Variants in GLA observed in about 807,000 individuals in gnomAD.
GLA encodes the protein galactosidase alpha.
In GLA, 4 loss-of-function variants were observed where a neutral mutation model predicts 28.2. The observed-to-expected ratio is 0.14, with a 90% confidence interval of 0.07 to 0.32. The LOEUF is 0.32. GLA is among the 10% of genes least tolerant of loss of function. The pLI is 1.00. For synonymous variants in GLA, 94 were observed against 113.0 expected (o/e 0.83, Z 1.07); for missense variants, 203 against 323.7 (o/e 0.63, Z 2.86).
chrX:101,402,276 A>G (rs1555985947), intron 2 of GLA, among the ~76,000 whole-genome samples: 1 of 111,784 alleles, frequency 8.9e-6, no homozygotes, highest in East Asian at 2.8e-4. Flanking sequence ...ATATCTGATC[A>G]ATTTCCCTCA....
chrX:101,402,977 A>T (rs1273031603), intron 2 of GLA, among the ~76,000 whole-genome samples: 2 of 110,351 alleles, frequency 1.8e-5, no homozygotes, highest in Non-Finnish European at 3.8e-5. Flanking sequence ...CAAAAGGAGA[A>T]CTCCAAGATG....
intron 2 of GLA, among the ~76,000 whole-genome samples, chrX:101,403,125 C>T (rs1928373421): frequency 9.2e-6 from 1 of 108,576 alleles, no homozygotes; most frequent in Non-Finnish European, 1.9e-5. Context: ...TGGTGAAACC[C>T]CGTCTCTACT....
In GLA at chrX:101,398,577, A is replaced by C. The variant is rs1928176118; in HGVS notation, c.802-10T>G. On this transcript the variant is annotated splice_polypyrimidine_tract_variant and intron_variant, in intron 5 of 6. Transcript: ENST00000218516. Reference sequence around the variant, plus strand: ...AGTTGCCAATCACTAACTGAGAAAAAGAATGAAATAATTCAAACAAGAGAG... The same window carrying C: ...AGTTGCCAATCACTAACTGAGAAAACGAATGAAATAATTCAAACAAGAGAG... The C allele has an allele frequency of 1.1e-5, 13 of 1,187,866 alleles. No homozygotes were observed. The highest frequency in any genetic ancestry group is 1.4e-5 in the Non-Finnish European group (12 of 873,905).
intron 2 of GLA, among the ~76,000 whole-genome samples, chrX:101,402,914 C>T (rs1221404317): frequency 8.9e-6 from 1 of 111,897 alleles, no homozygotes; most frequent in Non-Finnish European, 1.9e-5. Context: ...TACATGCACA[C>T]ATATGTCAAG....
intron 1 of GLA, among the ~76,000 whole-genome samples, chrX:101,405,410 C>T (rs1403269346): frequency 1.8e-5 from 2 of 111,056 alleles, no homozygotes; most frequent in Non-Finnish European, 3.8e-5. Context: ...GATAGAAGAA[C>T]AAAGTTCAGA....
chrX:101,400,304 G>A (rs1266570161), intron 4 of GLA, among the ~76,000 whole-genome samples: 2 of 111,383 alleles, frequency 1.8e-5, no homozygotes, highest in East Asian at 2.8e-4. Context: ...GAAGCAGAGA[G>A]ATCAGGTGGT....
rs2071228 is a variant in GLA, at chrX:101,398,121, G to A, written c.1000-22C>T. The stretch of plus-strand genomic sequence containing the variant: ...CTCCCTGAAAAACCAAGAAAGTGTG[G>A]TTGCTTAGCAACTAGTGATAAGTGG... On this transcript the variant is annotated intron_variant, in intron 6 of 6. Coordinates refer to ENST00000218516, the MANE Select transcript of GLA (RefSeq NM_000169.3). The A allele has an allele frequency of 0.2, 240,790 of 1,194,299 alleles. 24,964 individuals are homozygous for A. Among genetic ancestry groups the A allele is most frequent in the African/African-American group, 0.75 (42,825 of 56,732 alleles).
chrX:101,397,904 A>G lies in GLA; in HGVS notation c.1195T>C (p.Trp399Arg). The part of the protein sequence containing the change: ...PVKRKLGFYE[W>R]TSRLRSHINP... The stretch of plus-strand genomic sequence containing the variant: ...ATGTGACTTCTTAACCTTGAAGTCC[A>G]TTCATAGAACCCTAGCTTCCTTTTC... The change falls in exon 7 of 7, where the codon TGG becomes CGG. Residue 399 changes from tryptophan (W) to arginine (R), a missense_variant. By Grantham distance (101) the Trp-to-Arg change is moderately radical. This residue lies in a region of GLA where 162 missense variants were observed against 246.8 expected (regional missense o/e 0.66). Transcript: ENST00000218516. 8.3e-7 allele frequency: 1 copy of G among 1,208,640 alleles called. No homozygotes were observed.
chrX:101,402,857 C>A (rs1928365048), intron 2 of GLA, among the ~76,000 whole-genome samples: 1 of 112,013 alleles, frequency 8.9e-6, no homozygotes, highest in Non-Finnish European at 1.9e-5. Flanking sequence ...TTCTAAAATT[C>A]TAGTTTATAG....
intron 4 of GLA, 117 bp from the exon 5 acceptor site, chrX:101,399,063 T>A (rs1928205027): frequency 3.2e-6 from 2 of 627,050 alleles, no homozygotes; most frequent in Admixed American, 4.7e-5. Context: ...AACGTCTCCA[T>A]AAGGAGGTCT....
Position 101,398,871 on chromosome X carries a change from T to C in GLA, c.715A>G (p.Ile239Val). 2 of 1,208,448 alleles carry C rather than the reference T, an allele frequency of 1.7e-6. No individual in the cohort carries two copies. The highest frequency in any genetic ancestry group is 3.5e-5 in the South Asian group (2 of 56,943). The change falls in exon 5 of 7, where the codon ATA (isoleucine) becomes GTA (valine). Residue 239 changes from isoleucine (I) to valine (V), a missense_variant. Physicochemically the swap from Ile to Val is conservative, Grantham distance 29. Coordinates refer to ENST00000218516, the MANE Select transcript of GLA (RefSeq NM_000169.3). Reference sequence around the variant, plus strand: ...GATGTCCAGTCCAAGATACTCTTTATACTTTTCCAGGAATCATCAATGTCA... The same window carrying C: ...GATGTCCAGTCCAAGATACTCTTTACACTTTTCCAGGAATCATCAATGTCA... ...FADIDDSWKS[I>V]KSILDWTSFN...
chrX:101,401,584 C>A (rs782079025), intron 3 of GLA, 48 bp downstream of exon 3: 4 of 1,071,380 alleles, frequency 3.7e-6, no homozygotes, highest in Non-Finnish European at 5.2e-6. Context: ...GCTACCATGG[C>A]CTCAAAGTTC....
Position 101,398,804 on chromosome X carries a change from C to G in GLA, c.782G>C (p.Gly261Ala). The change falls in exon 5 of 7, where the codon GGT becomes GCT. Residue 261 changes from glycine (G) to alanine (A), a missense_variant. Around this residue, in one of 3 missense-constraint regions of GLA, gnomAD observed 162 missense variants for 246.8 expected, o/e 0.66. Coordinates refer to ENST00000218516, the MANE Select transcript of GLA (RefSeq NM_000169.3). The stretch of plus-strand genomic sequence containing the variant: ...TTTTACCATATCTGGGTCATTCCAA[C>G]CCCCTGGTCCAGCAACATCAACAAT... ...ERIVDVAGPG[G>A]WNDPDMLVIG... 8.3e-7 allele frequency: 1 copy of G among 1,210,564 alleles called. No homozygotes were observed. Among genetic ancestry groups the G allele is most frequent in the Middle Eastern group, 2.3e-4 (1 of 4,348 alleles).
chrX:101,404,243 T>G (rs892459485), intron 1 of GLA, among the ~76,000 whole-genome samples: 11 of 112,026 alleles, frequency 9.8e-5, no homozygotes, highest in Non-Finnish European at 5.6e-5. Context: ...GAGTATTAGA[T>G]CTAAGAAGAC....
In GLA at chrX:101,398,356, A is replaced by ATTT; in HGVS notation, c.999+13_999+14insAAA. ...GGTATATAAAGCCATCTTAAAATAT[A>ATTT]TACTCTTATTTACCTGTCTAAGCTG... On this transcript the variant is annotated intron_variant, in intron 6 of 6. Transcript: ENST00000218516. 4.3e-6 allele frequency: 5 copies of ATTT among 1,158,938 alleles called. No individual in the cohort carries two copies. The highest frequency in any genetic ancestry group is 5.9e-6 in the Non-Finnish European group (5 of 847,546).
intron 4 of GLA, among the ~76,000 whole-genome samples, chrX:101,399,339 G>A (rs1928212803): frequency 8.9e-6 from 1 of 112,608 alleles, no homozygotes; most frequent in Non-Finnish European, 1.9e-5. Flanking sequence ...GGCCGAGGCA[G>A]GTGGATCATC....
In GLA at chrX:101,398,927, C is replaced by T. The variant is rs869312378; in HGVS notation, c.659G>A (p.Arg220Gln). The T allele has an allele frequency of 5.0e-6, 6 of 1,205,097 alleles. No individual in the cohort carries two copies. Among genetic ancestry groups the T allele is most frequent in the East Asian group, 3.0e-5 (1 of 33,758 alleles). Residue 220 changes from arginine (R) to glutamine (Q), a missense_variant, in exon 5 of 7, where the codon CGA becomes CAA. Arg to Gln is a conservative substitution (Grantham distance 43). Around this residue, in one of 3 missense-constraint regions of GLA, gnomAD observed 162 missense variants for 246.8 expected, o/e 0.66. Coordinates refer to ENST00000218516, the MANE Select transcript of GLA (RefSeq NM_000169.3). ...ATTTCGCCAGTGATTGCAGTACTGT[C>T]GGATTTCTGTATAATTGGGCTGTGA... is the stretch of plus-strand genomic sequence containing the variant. Reference protein sequence around the residue: ...PFQKPNYTEIRQYCNHWRNFA... With the variant: ...PFQKPNYTEIQQYCNHWRNFA...
chrX:101,398,993 TTG>T, intron 4 of GLA, 47 bp from the exon 5 acceptor site: 1 of 1,088,229 alleles, frequency 9.2e-7, no homozygotes, highest in Non-Finnish European at 1.3e-6. Flanking sequence ...ACTAACATCC[TTG>T]TGAGATGAAA....
intron 1 of GLA, 108 bp from the exon 2 acceptor site, chrX:101,404,093 G>T (rs1378677400): frequency 4.9e-5 from 32 of 651,606 alleles, no homozygotes; most frequent in Non-Finnish European, 8.0e-5. Flanking sequence ...CCCAGTAATA[G>T]TGTGGTAGTA....
Sources: gnomAD v4.1 joint callset for allele counts (sites outside exome capture counted in the v4.1 genomes callset) on GRCh38, gnomAD v4.1.1 for gene constraint, gnomAD v4.1.1 regional missense constraint, MANE v1.5 for transcripts, NCBI Gene and HGNC (gene_info 2026-07-23, HGNC 2026-07-21) for gene names.